The following TRAPPC8 variants were observed in gnomAD, a reference collection of about 807,000 sequenced individuals.
TRAPPC8 encodes the protein trafficking protein particle complex subunit 8.
TRAPPC8 carries 54 observed loss-of-function variants against 174.3 expected under a neutral mutation model. The ratio of observed to expected loss-of-function variants is 0.31; its 90% CI spans 0.25 to 0.39. The LOEUF is 0.39. Among genes scored for constraint, TRAPPC8 ranks in the 10% least tolerant of loss-of-function variants. The pLI, the probability that TRAPPC8 is intolerant of heterozygous loss-of-function variation, is 1.00. For missense variants in TRAPPC8, 1,531 were observed against 1,699.1 expected (o/e 0.90, Z 1.74); for synonymous variants, 630 against 579.9 (o/e 1.09, Z -1.24).
intron 2 of TRAPPC8, among the ~76,000 whole-genome samples, chr18:31,927,667 C>T (rs1284600527): frequency 6.6e-6 from 1 of 152,228 alleles, no homozygotes; most frequent in East Asian, 1.9e-4. Context: ...CTTCCCAAAG[C>T]GCTGGGATTA....
At chr18:31,836,002 C>T (rs754188034) in intron 27 of TRAPPC8, among the ~76,000 whole-genome samples, 10 of 152,120 alleles carry the variant, frequency 6.6e-5, no homozygotes, top group Admixed American at 2.6e-4. Context: ...AGCACAGCTT[C>T]GGCCAAATTA....
rs868196460 is a variant in TRAPPC8, at chr18:31,866,750, C to A, written c.2590+99G>T. The A allele has an allele frequency of 5.7e-5, 80 of 1,392,250 alleles. No individual in the cohort carries two copies. The African/African-American group carries it at 7.9e-4, about 14-fold the overall frequency. 86.2% of individuals were successfully genotyped at this position (1,392,250 alleles called of 1,614,324 possible). ...GGCTAAATGTCTTTACTTAACGATA[C>A]ATTAAACCTATTTAGAAAATACATC... is the stretch of plus-strand genomic sequence containing the variant. On this transcript the variant is annotated intron_variant, in intron 18 of 28. Transcript: ENST00000283351.
In TRAPPC8 at chr18:31,865,650, AAAC is replaced by A. The variant is rs1342923098; in HGVS notation, c.2591-872_2591-870del. On this transcript the variant is annotated intron_variant, in intron 18 of 28. Coordinates refer to ENST00000283351, the MANE Select transcript of TRAPPC8 (RefSeq NM_014939.5). Reference sequence around the variant, plus strand: ...ATGCATATATTTGGTGCCTTAAATAAAACAACTACCTATATTTTACTGACAACC... The same window carrying A: ...ATGCATATATTTGGTGCCTTAAATAAAACTACCTATATTTTACTGACAACC... Among the ~76,000 whole-genome samples the A allele has an allele frequency of 3.3e-5, 5 of 152,024 alleles. No individual in the cohort carries two copies. The East Asian group carries it at 5.8e-4, about 18-fold the overall frequency.
chr18:31,853,605 C>T (rs538863678), intron 22 of TRAPPC8, among the ~76,000 whole-genome samples: 6 of 152,024 alleles, frequency 3.9e-5, no homozygotes, highest in African/African-American at 1.4e-4. Flanking sequence ...TACCCAAGCA[C>T]TGATTTTACA....
intron 2 of TRAPPC8, among the ~76,000 whole-genome samples, chr18:31,929,555 G>T (rs2037764081): frequency 6.6e-6 from 1 of 151,932 alleles, no homozygotes; most frequent in Non-Finnish European, 1.5e-5. Flanking sequence ...GCCTGGCATA[G>T]TTGGTAGGCT....
intron 5 of TRAPPC8, among the ~76,000 whole-genome samples, chr18:31,912,070 G>C (rs2036937086): frequency 6.6e-6 from 1 of 151,996 alleles, no homozygotes; most frequent in African/African-American, 2.4e-5. Flanking sequence ...GGTTAAGAAA[G>C]GAGTAATTAA....
At chr18:31,900,168 A>G (rs1401536928) in intron 10 of TRAPPC8, among the ~76,000 whole-genome samples, 1 of 152,166 alleles carries the variant, frequency 6.6e-6, no homozygotes, top group African/African-American at 2.4e-5. Flanking sequence ...CAGGAAGAAG[A>G]GGTTACAGTG....
chr18:31,830,789 G>C lies in TRAPPC8; in HGVS notation c.4274C>G (p.Ser1425Cys). ...VTVFETSQQN[S>C]MPALIIISNV ...ACTGATGATGATCAGGGCAGGCATG[G>C]AATTCTGCTGACTTGTTTCAAACAC... Residue 1425 changes from serine to cysteine, a missense_variant, in exon 29 of 29, where the codon TCC (serine) becomes TGC (cysteine). Transcript: ENST00000283351. 2 of 1,614,156 alleles carry C rather than the reference G, an allele frequency of 1.2e-6. No individual in the cohort carries two copies. The highest frequency in any genetic ancestry group is 1.7e-6 in the Non-Finnish European group (2 of 1,180,020).
rs765121692 is a variant in TRAPPC8, at chr18:31,908,804, G to A, written c.1072C>T (p.Arg358Trp). The change falls in exon 7 of 29, where the codon CGG becomes TGG. Residue 358 changes from arginine to tryptophan, a missense_variant. Coordinates refer to ENST00000283351, the MANE Select transcript of TRAPPC8 (RefSeq NM_014939.5). ...TTCTCTATATGTGGCAAAAGGCCCC[G>A]AAATGTGAACTCTTGTATAAACTGT... Reference protein sequence around the residue: ...IRQFIQEFTFRGLLPHIEKTI... With the variant: ...IRQFIQEFTFWGLLPHIEKTI... The A allele has an allele frequency of 8.1e-6, 13 of 1,611,982 alleles. No individual in the cohort carries two copies. The highest frequency in any genetic ancestry group is 3.3e-5 in the Admixed American group (2 of 59,886).
In TRAPPC8 at chr18:31,855,792, T is replaced by C. The variant is rs2033971302; in HGVS notation, c.3204A>G (p.Arg1068=). The change falls in exon 21 of 29, where the codon AGA becomes AGG. Residue 1068 remains arginine, a synonymous_variant. Coordinates refer to ENST00000283351, the MANE Select transcript of TRAPPC8 (RefSeq NM_014939.5). ...GACTGGTACAAATAATTGCAGTGTG[T>C]CTTAATATTCTGTGCCTGAAGTTAA... ...KQPKIRHRIL[R]HTAIICTSRS... is the part of the protein sequence containing the mutation. The C allele has an allele frequency of 6.3e-7, 1 of 1,592,966 alleles. No homozygotes were observed. The highest frequency in any genetic ancestry group is 1.4e-5 in the African/African-American group (1 of 71,368).
At chr18:31,852,019 A>G (rs183659192) in intron 24 of TRAPPC8, among the ~76,000 whole-genome samples, 5 of 152,232 alleles carry the variant, frequency 3.3e-5, no homozygotes, top group African/African-American at 9.6e-5. Flanking sequence ...AAAACTCAAT[A>G]AAGTTCAGAT....
intron 12 of TRAPPC8, among the ~76,000 whole-genome samples, chr18:31,881,303 A>G (rs1018570397): frequency 6.6e-6 from 1 of 152,142 alleles, no homozygotes; most frequent in Non-Finnish European, 1.5e-5. Context: ...CACATGAACA[A>G]TGGAATAGAA....
chr18:31,894,832 G>A (rs2036116948), intron 11 of TRAPPC8, among the ~76,000 whole-genome samples: 1 of 152,072 alleles, frequency 6.6e-6, no homozygotes, highest in African/African-American at 2.4e-5. Context: ...CAAAAAACTG[G>A]TATTAGCATC....
At chr18:31,915,553 G>C (rs924326805) in intron 4 of TRAPPC8, among the ~76,000 whole-genome samples, 3 of 151,098 alleles carry the variant, frequency 2.0e-5, no homozygotes, top group African/African-American at 4.9e-5. Flanking sequence ...CTGAGGTCAA[G>C]AGTTCAAGAC....
At position 31,830,813 on chromosome 18, in the gene TRAPPC8, A is replaced by G; in HGVS notation, c.4250T>C (p.Val1417Ala). The G allele has an allele frequency of 1.2e-6, 2 of 1,614,202 alleles. No homozygotes were observed. Among genetic ancestry groups the G allele is most frequent in the African/African-American group, 1.3e-5 (1 of 75,066 alleles). ...GGAATTCTGCTGACTTGTTTCAAAC[A>G]CTGTAACTTGGTCCGATAACTTGGC... ...VFAKLSDQVT[V>A]FETSQQNSMP... Residue 1417 changes from valine to alanine, a missense_variant, in exon 29 of 29, where the codon GTG becomes GCG. Transcript: ENST00000283351.
At chr18:31,880,118 TA>T (rs1383244543) in intron 12 of TRAPPC8, among the ~76,000 whole-genome samples, 276 of 73,180 alleles carry the variant, frequency 3.8e-3, no homozygotes, top group South Asian at 8.5e-3. Context: ...TATATATATA[TA>T]TATTTTTTTT....
chr18:31,861,149 A>G (rs921728380), intron 19 of TRAPPC8, among the ~76,000 whole-genome samples: 2 of 152,202 alleles, frequency 1.3e-5, no homozygotes, highest in Non-Finnish European at 2.9e-5. Flanking sequence ...TGGTGAATAA[A>G]TGTACATCAG....
At chr18:31,894,723 T>C (rs2036112533) in intron 11 of TRAPPC8, among the ~76,000 whole-genome samples, 1 of 152,218 alleles carries the variant, frequency 6.6e-6, no homozygotes. Context: ...TCTAAGCTTT[T>C]AAGATTTCAT....
At position 31,853,890 on chromosome 18, in the gene TRAPPC8, T is replaced by C. The variant is rs2033850800; in HGVS notation, c.3392A>G (p.His1131Arg). ...ATTTACAGATTTCTGTAACTTCCAG[T>C]GTTTGCTACTACTTGATACTTGCAC... is the stretch of plus-strand genomic sequence containing the variant. ...HIVQVSSSSK[H>R]WKLQKSVNLS... is the part of the protein sequence containing the mutation. The change falls in exon 22 of 29, where the codon CAC becomes CGC. Residue 1131 changes from histidine to arginine, a missense_variant. His to Arg is a conservative substitution (Grantham distance 29). Transcript: ENST00000283351. 6.2e-7 allele frequency: 1 copy of C among 1,611,394 alleles called. No homozygotes were observed. Among genetic ancestry groups the C allele is most frequent in the Non-Finnish European group, 8.5e-7 (1 of 1,179,562 alleles).
Sources: allele counts gnomAD v4.1 joint callset (sites outside exome capture counted in the v4.1 genomes callset), GRCh38; gene constraint gnomAD v4.1.1; transcripts MANE v1.5; gene names NCBI Gene and HGNC (gene_info 2026-07-23, HGNC 2026-07-21).